DNMT3A: variants seen among roughly 807,000 people sequenced by gnomAD.
DNMT3A encodes the protein DNA methyltransferase 3 alpha, also known as DNA (cytosine-5)-methyltransferase 3A.
In DNMT3A, 267 loss-of-function variants were observed where a neutral mutation model predicts 117.6. That is an observed-to-expected ratio of 2.27 (90% CI 2.05 to 2.51). The LOEUF is 2.51. Ranked by LOEUF, DNMT3A falls within the 30% of genes most tolerant of loss-of-function variation. The pLI is 0.00. For missense variants in DNMT3A, 1,029 were observed against 1,260.2 expected (o/e 0.82, Z 2.78); for synonymous variants, 432 against 474.8 (o/e 0.91, Z 1.17).
In DNMT3A at chr2:25,278,001, TCACA is replaced by T. The variant is rs71397475; in HGVS notation, c.449-2462_449-2459del. Among the ~76,000 whole-genome samples, 764 of 90,552 alleles carry T rather than the reference TCACA, an allele frequency of 8.4e-3. 7 individuals are homozygous for T. Among genetic ancestry groups the T allele is most frequent in the South Asian group, 0.023 (53 of 2,300 alleles). 59.4% of individuals were successfully genotyped at this position (90,552 alleles called of 152,430 possible). On this transcript the variant is annotated intron_variant, in intron 4 of 22. Coordinates refer to ENST00000321117, the MANE Select transcript of DNMT3A (RefSeq NM_022552.5). Reference sequence around the variant, plus strand: ...ACTCTGCGCATGCCCACTTGAGTGATCACACACACACACACACACACACACACAC... The same window carrying T: ...ACTCTGCGCATGCCCACTTGAGTGATCACACACACACACACACACACACAC...
chr2:25,287,723 G>A (rs2032415340), intron 3 of DNMT3A, among the ~76,000 whole-genome samples: 1 of 130,754 alleles, frequency 7.6e-6, no homozygotes, highest in Non-Finnish European at 1.7e-5. Context: ...CCACCAGACA[G>A]AGGACACCCC....
rs1208697501 is a variant in DNMT3A, at chr2:25,337,787, G to A, written c.-178+4039C>T. On this transcript the variant is annotated intron_variant, in intron 1 of 22. Transcript: ENST00000321117. This position sits in a 1 kb window ranked among gnomAD's most constrained non-coding sequence, Gnocchi z 5.0. ...TTGGTCATGTTCTTAGGGAAAAATC[G>A]TCAGAGAGAAATGATTGAAAATGAG... is the stretch of plus-strand genomic sequence containing the variant. Among the ~76,000 whole-genome samples the A allele has an allele frequency of 3.3e-5, 5 of 152,124 alleles. No individual in the cohort carries two copies. In the South Asian group the frequency reaches 6.2e-4, roughly 19 times the overall value.
rs144380875 is a variant in DNMT3A, at chr2:25,262,073, C to T, written c.639+12868G>A. Among the ~76,000 whole-genome samples, 804 of 152,034 alleles carry T rather than the reference C, an allele frequency of 5.3e-3. 11 individuals carry two copies. The highest frequency in any genetic ancestry group is 0.018 in the African/African-American group (751 of 41,418). ...GGCATGGCAGCACATGCCTGTAACC[C>T]CACCTACTCGGGAGGCTGAGGCAGG... On this transcript the variant is annotated intron_variant, in intron 6 of 22. Transcript: ENST00000321117.
intron 4 of DNMT3A, among the ~76,000 whole-genome samples, chr2:25,276,048 G>T (rs1173944067): frequency 6.6e-6 from 1 of 152,140 alleles, no homozygotes; most frequent in Non-Finnish European, 1.5e-5. Flanking sequence ...GGCATGTACT[G>T]GGGGGCGGTG....
At chr2:25,246,092 A>G in intron 11 of DNMT3A, 28 bp from the exon 12 acceptor site, 1 of 1,614,052 alleles carries the variant, frequency 6.2e-7, no homozygotes, top group Non-Finnish European at 8.5e-7. Context: ...CTGGCGTCAG[A>G]GGAGGCCGCG....
At chr2:25,289,525 G>A (rs188707651) in intron 3 of DNMT3A, among the ~76,000 whole-genome samples, 14 of 152,280 alleles carry the variant, frequency 9.2e-5, no homozygotes, top group African/African-American at 1.7e-4. Flanking sequence ...GAGCTGGAGC[G>A]ATACTCGCTT....
chr2:25,237,890 C>T lies in DNMT3A; in HGVS notation c.2409-885G>A, dbSNP rs555578305. On this transcript the variant is annotated intron_variant, in intron 20 of 22. Transcript: ENST00000321117. The surrounding 1 kb of genome is among the most constrained non-coding windows in gnomAD (Gnocchi z 5.4). ...GACTGGCTGTCCCCTTCAACGCTGA[C>T]CTTTTCTGACATGTAAGGATATTTA... 2.6e-5 allele frequency among the ~76,000 whole-genome samples: 4 copies of T among 152,322 alleles called. No individual in the cohort carries two copies. Among genetic ancestry groups the T allele is most frequent in the East Asian group, 1.9e-4 (1 of 5,190 alleles).
At position 25,257,626 on chromosome 2, in the gene DNMT3A, A is replaced by G. The variant is rs1676270757; in HGVS notation, c.640-9374T>C. On this transcript the variant is annotated intron_variant, in intron 6 of 22. Coordinates refer to ENST00000321117, the MANE Select transcript of DNMT3A (RefSeq NM_022552.5). This position sits in a 1 kb window ranked among gnomAD's most constrained non-coding sequence, Gnocchi z 4.8. ...GGAGAGGCCAGTCAATCCTTAGCACAGGCAGAACTTCCTTTCTTTTCACGA... is the reference window on the plus strand; with the variant it reads ...GGAGAGGCCAGTCAATCCTTAGCACGGGCAGAACTTCCTTTCTTTTCACGA... Among the ~76,000 whole-genome samples, 1 of 152,196 alleles carries G rather than the reference A, an allele frequency of 6.6e-6. No homozygotes were observed. The highest frequency in any genetic ancestry group is 1.5e-5 in the Non-Finnish European group (1 of 68,024).
rs2149402785 is a variant in DNMT3A, at chr2:25,298,445, A to G, written c.177+1694T>C. Reference sequence around the variant, plus strand: ...TCCAGAGACTCACAAAGATGAGTCAAAGGGTTGCTGGGTCTTTATTTGCTA... The same window carrying G: ...TCCAGAGACTCACAAAGATGAGTCAGAGGGTTGCTGGGTCTTTATTTGCTA... On this transcript the variant is annotated intron_variant, in intron 3 of 22. Transcript: ENST00000321117. This position sits in a 1 kb window ranked among gnomAD's most constrained non-coding sequence, Gnocchi z 4.3. Among the ~76,000 whole-genome samples the G allele has an allele frequency of 6.6e-6, 1 of 152,306 alleles. No individual in the cohort carries two copies. Among genetic ancestry groups the G allele is most frequent in the East Asian group, 1.9e-4 (1 of 5,180 alleles).
chr2:25,336,014 G>A (rs2035202607), intron 1 of DNMT3A, among the ~76,000 whole-genome samples: 1 of 151,970 alleles, frequency 6.6e-6, no homozygotes, highest in Admixed American at 6.5e-5. Context: ...CCAGGCGTCT[G>A]CACCTCCCTT....
intron 3 of DNMT3A, among the ~76,000 whole-genome samples, chr2:25,291,790 C>T (rs533706125): frequency 6.6e-6 from 1 of 152,352 alleles, no homozygotes; most frequent in African/African-American, 2.4e-5. Context: ...CTGGCTAGGC[C>T]GTCACAAGCC....
Position 25,282,089 on chromosome 2 carries a change from G to A in DNMT3A, c.448+352C>T. On this transcript the variant is annotated intron_variant, in intron 4 of 22. Transcript: ENST00000321117. The surrounding 1 kb of genome is among the most constrained non-coding windows in gnomAD (Gnocchi z 5.2). ...ACAACCAGCCACAGAAGGCGATGGAGGGACCGCCATTATCCCAGTCTAGCA... is the reference window on the plus strand; with the variant it reads ...ACAACCAGCCACAGAAGGCGATGGAAGGACCGCCATTATCCCAGTCTAGCA... 3.5e-6 allele frequency: 4 copies of A among 1,136,316 alleles called. No individual in the cohort carries two copies. Among genetic ancestry groups the A allele is most frequent in the Non-Finnish European group, 4.5e-6 (4 of 897,404 alleles). 70.4% of individuals were successfully genotyped at this position (1,136,316 alleles called of 1,614,324 possible).
chr2:25,297,528 TGAG>T (rs1405760042), intron 3 of DNMT3A, among the ~76,000 whole-genome samples: 2 of 150,330 alleles, frequency 1.3e-5, no homozygotes, highest in African/African-American at 4.9e-5. Context: ...TTTTTTTTTT[TGAG>T]ACAGAGTCTC....
intron 2 of DNMT3A, among the ~76,000 whole-genome samples, chr2:25,312,567 C>T (rs761792570): frequency 5.3e-5 from 8 of 152,098 alleles, no homozygotes; most frequent in African/African-American, 1.4e-4. Context: ...GGGAAGGGCT[C>T]GGACCTGGGA....
In DNMT3A at chr2:25,233,401, G is replaced by T. The variant is rs577776952; in HGVS notation, c.*878C>A. The T allele has an allele frequency of 3.4e-4, 79 of 233,594 alleles. No homozygotes were observed. The highest frequency in any genetic ancestry group is 5.5e-4 in the Non-Finnish European group (65 of 117,988). 14.5% of individuals were successfully genotyped at this position (233,594 alleles called of 1,614,324 possible). ...GGAAGCTGATGTTTTTACTCATCTCGCTGTTTGAAAGCACCATTATGAAGT... is the reference window on the plus strand; with the variant it reads ...GGAAGCTGATGTTTTTACTCATCTCTCTGTTTGAAAGCACCATTATGAAGT... On this transcript the variant is annotated 3_prime_UTR_variant, in exon 23 of 23. Transcript: ENST00000321117.
chr2:25,272,097 C>T (rs1380170206), intron 6 of DNMT3A, among the ~76,000 whole-genome samples: 1 of 152,206 alleles, frequency 6.6e-6, no homozygotes, highest in Non-Finnish European at 1.5e-5. Flanking sequence ...AGTGATTCTC[C>T]TGCCTCAGCC....
At position 25,339,382 on chromosome 2, in the gene DNMT3A, G is replaced by A. The variant is rs1332468484; in HGVS notation, c.-178+2444C>T. Among the ~76,000 whole-genome samples the A allele has an allele frequency of 6.6e-6, 1 of 152,180 alleles. No homozygotes were observed. The highest frequency in any genetic ancestry group is 1.5e-5 in the Non-Finnish European group (1 of 68,026). ...TGGACCAGTCCACTCCTTGAGTCTA[G>A]AAGGAATTCACCTTTCTTAGGGTCA... On this transcript the variant is annotated intron_variant, in intron 1 of 22. Transcript: ENST00000321117. The surrounding 1 kb of genome is among the most constrained non-coding windows in gnomAD (Gnocchi z 4.9).
At chr2:25,285,003 CG>C (rs2032193154) in intron 3 of DNMT3A, among the ~76,000 whole-genome samples, 1 of 152,212 alleles carries the variant, frequency 6.6e-6, no homozygotes, top group South Asian at 2.1e-4. Context: ...GTATGCATGC[CG>C]TTCCCTGATG....
intron 4 of DNMT3A, among the ~76,000 whole-genome samples, chr2:25,279,128 G>C (rs1424375323): frequency 6.6e-6 from 1 of 152,162 alleles, no homozygotes; most frequent in Non-Finnish European, 1.5e-5. Context: ...TGGCATTAAT[G>C]CTGGCGGGGG....
Sources: gnomAD v4.1 joint callset for allele counts (sites outside exome capture counted in the v4.1 genomes callset) on GRCh38, gnomAD v4.1.1 for gene constraint, Gnocchi (gnomAD v3.1) non-coding constraint, MANE v1.5 for transcripts, NCBI Gene and HGNC (gene_info 2026-07-23, HGNC 2026-07-21) for gene names.